ERBB2: variants seen among roughly 807,000 people sequenced by gnomAD.
ERBB2 encodes receptor tyrosine-protein kinase erbB-2.
Under a neutral mutation model 149.0 loss-of-function variants are expected in ERBB2, and 61 were observed. That is an observed-to-expected ratio of 0.41 (90% CI 0.33 to 0.51). ERBB2 has a LOEUF of 0.51. ERBB2 is among the 20% of genes least tolerant of loss of function. The probability of loss-of-function intolerance (pLI) is 0.25; values close to 1 mark genes in which losing one functional copy is unlikely to be tolerated. For synonymous variants in ERBB2, 633 were observed against 678.8 expected (o/e 0.93, Z 1.05); for missense variants, 1,205 against 1,655.1 (o/e 0.73, Z 4.72).
chr17:39,715,963 G>A (rs774147471), intron 12 of ERBB2, 24 bp downstream of exon 12: 20 of 1,598,730 alleles, frequency 1.3e-5, no homozygotes, highest in South Asian at 3.3e-5. Context: ...CCCAGTGTGC[G>A]CACTCCCCAT....
chr17:39,709,208 CTG>C (rs1277497533), intron 3 of ERBB2, 108 bp from the exon 4 acceptor site: 1 of 1,278,360 alleles, frequency 7.8e-7, no homozygotes. Flanking sequence ...CCTGGGGAAT[CTG>C]GGGGTTGTTT....
upstream of ERBB2, chr17:39,688,097 C>G (rs897406255): frequency 5.0e-6 from 6 of 1,198,608 alleles, no homozygotes; most frequent in Middle Eastern, 3.1e-4. Context: ...TTCCTGTGTT[C>G]TTTATTCTAC....
upstream of ERBB2, among the ~76,000 whole-genome samples, chr17:39,699,027 G>T (rs2057946565): frequency 6.6e-6 from 1 of 152,028 alleles, no homozygotes; most frequent in African/African-American, 2.4e-5. Context: ...AGGGTCAGGG[G>T]CTCCAAATAG....
rs778537251 is a variant in ERBB2, at chr17:39,723,485, C to A, written c.2085+28C>A. 1 of 1,613,866 alleles carries A rather than the reference C, an allele frequency of 6.2e-7. No homozygotes were observed. Among genetic ancestry groups the A allele is most frequent in the Admixed American group, 1.7e-5 (1 of 60,004 alleles). On this transcript the variant is annotated intron_variant, in intron 17 of 26. Transcript: ENST00000269571. The surrounding 1 kb of genome is among the most constrained non-coding windows in gnomAD (Gnocchi z 6.2). ...GAGGCGGGGTGAAGTCCTCCCAGCC[C>A]GCGTGGGGTCTGCACCGGCCCCCGG...
At position 39,706,157 on chromosome 17, in the gene ERBB2, C is replaced by G. The variant is rs1178672102; in HGVS notation, c.74-833C>G. On this transcript the variant is annotated intron_variant, in intron 1 of 26. Transcript: ENST00000269571. ...CCAGGTGTGGCAGTTCAGCCCTATG[C>G]CCCATGGCTGATGGCTCGCGCTGGG... is the stretch of plus-strand genomic sequence containing the variant. Among the ~76,000 whole-genome samples, 6 of 152,210 alleles carry G rather than the reference C, an allele frequency of 3.9e-5. No individual in the cohort carries two copies. In the South Asian group the frequency reaches 1.2e-3, roughly 31 times the overall value.
Position 39,727,015 on chromosome 17 carries a change from C to T in ERBB2, c.3159+12C>T, listed in dbSNP as rs775217720. On this transcript the variant is annotated intron_variant, in intron 25 of 26. Coordinates refer to ENST00000269571, the MANE Select transcript of ERBB2 (RefSeq NM_004448.4). This position sits in a 1 kb window ranked among gnomAD's most constrained non-coding sequence, Gnocchi z 4.3. Reference sequence around the variant, plus strand: ...GCTCATCTACCAGGGTCAGTGCCCTCGGTCACACTGTGTGGCTGTCTGCTT... The same window carrying T: ...GCTCATCTACCAGGGTCAGTGCCCTTGGTCACACTGTGTGGCTGTCTGCTT... 5.3e-5 allele frequency: 83 copies of T among 1,576,868 alleles called. No individual in the cohort carries two copies. The highest frequency in any genetic ancestry group is 6.7e-5 in the East Asian group (3 of 44,636).
At chr17:39,705,940 A>G (rs2058404906) in intron 1 of ERBB2, among the ~76,000 whole-genome samples, 1 of 152,166 alleles carries the variant, frequency 6.6e-6, no homozygotes, top group African/African-American at 2.4e-5. Context: ...CCTGGGCAAG[A>G]CACGCCAGGT....
upstream of ERBB2, among the ~76,000 whole-genome samples, chr17:39,693,682 C>T (rs531436258): frequency 1.5e-4 from 23 of 151,582 alleles, no homozygotes; most frequent in Admixed American, 3.3e-4. Context: ...TGCTTGAACC[C>T]GGGAGGCAGA....
At chr17:39,691,902 T>TAC (rs1567886184), upstream of ERBB2, among the ~76,000 whole-genome samples, 6 of 126,768 alleles carry the variant, frequency 4.7e-5, no homozygotes, top group African/African-American at 1.5e-4. Flanking sequence ...TAGATATAGA[T>TAC]ATATATACAT....
chr17:39,708,570 A>G, intron 3 of ERBB2, 36 bp downstream of exon 3: 1 of 1,554,842 alleles, frequency 6.4e-7, no homozygotes, highest in Non-Finnish European at 8.9e-7. Context: ...TCTCTTGGTT[A>G]TTCAGAGCTG....
At chr17:39,715,571 G>T (rs369210114) in intron 11 of ERBB2, 35 bp downstream of exon 11, 1 of 1,593,344 alleles carries the variant, frequency 6.3e-7, no homozygotes, top group Non-Finnish European at 8.6e-7. Context: ...TGATGGGGAG[G>T]AGTCCCAGGG....
chr17:39,714,784 T>C (rs1037712980), intron 9 of ERBB2, among the ~76,000 whole-genome samples: 1 of 151,714 alleles, frequency 6.6e-6, no homozygotes, highest in Non-Finnish European at 1.5e-5. Context: ...TTTTTTTTTT[T>C]TTTTGAGACA....
intron 15 of ERBB2, among the ~76,000 whole-genome samples, chr17:39,719,164 G>A (rs1228061441): frequency 1.3e-5 from 2 of 152,054 alleles, no homozygotes; most frequent in Non-Finnish European, 2.9e-5. Flanking sequence ...GAGAGGTTGA[G>A]ACAGGAGAAT....
intron 15 of ERBB2, among the ~76,000 whole-genome samples, chr17:39,718,584 G>A (rs543636039): frequency 1.3e-4 from 20 of 152,274 alleles, no homozygotes; most frequent in African/African-American, 4.6e-4. Flanking sequence ...GATCACTTGA[G>A]ATCAGGAGTT....
chr17:39,723,467 G>A lies in ERBB2; in HGVS notation c.2085+10G>A, dbSNP rs779929231. On this transcript the variant is annotated intron_variant, in intron 17 of 26. Transcript: ENST00000269571. The surrounding 1 kb of genome is among the most constrained non-coding windows in gnomAD (Gnocchi z 6.2). ...GCTGCAGGAAACGGAGGTGAGGCGG[G>A]GTGAAGTCCTCCCAGCCCGCGTGGG... 3.1e-6 allele frequency: 5 copies of A among 1,614,146 alleles called. No individual in the cohort carries two copies. The highest frequency in any genetic ancestry group is 2.2e-5 in the East Asian group (1 of 44,888).
At position 39,727,406 on chromosome 17, in the gene ERBB2, G is replaced by T. The variant is rs2143244498; in HGVS notation, c.3271G>T (p.Gly1091Ter). The change falls in exon 26 of 27, where the codon GGA (glycine) becomes TGA (stop). Residue 1091 changes from glycine to a stop codon, truncating the protein, a stop_gained. Transcript: ENST00000269571. LOFTEE classifies it high-confidence loss of function. The surrounding 1 kb of genome is among the most constrained non-coding windows in gnomAD (Gnocchi z 4.3). The stretch of plus-strand genomic sequence containing the variant: ...CTCCGATGTATTTGATGGTGACCTG[G>T]GAATGGGGGCAGCCAAGGGGCTGCA... ...AGSDVFDGDL[G>*]MGAAKGLQSL... 1 of 1,611,222 alleles carries T rather than the reference G, an allele frequency of 6.2e-7. No individual in the cohort carries two copies. The highest frequency in any genetic ancestry group is 8.5e-7 in the Non-Finnish European group (1 of 1,178,916).
At chr17:39,700,802 T>A (rs1156526758) in intron 1 of ERBB2, among the ~76,000 whole-genome samples, 1 of 152,096 alleles carries the variant, frequency 6.6e-6, no homozygotes, top group Admixed American at 6.5e-5. Context: ...TGGTTGCTCC[T>A]GCTTCTGGCG....
rs150855012 is a variant in ERBB2 at position 39,717,736 on chromosome 17, TAA to T, written c.1898+257_1898+258del. ...CTGTGCACATTCTAATATGTATATA[TAA>T]GTTAACATATATTAATATTATTCTC... On this transcript the variant is annotated intron_variant, in intron 15 of 26. Coordinates refer to ENST00000269571, the MANE Select transcript of ERBB2 (RefSeq NM_004448.4). 4.2e-3 allele frequency: 1,361 copies of T among 321,038 alleles called. 8 individuals carry two copies. The highest frequency in any genetic ancestry group is 0.026 in the African/African-American group (1,218 of 47,228). The allele number at this position is 321,038 out of a possible 1,614,324, so 19.9% of individuals were successfully genotyped here.
Position 39,723,905 on chromosome 17 carries a change from T to C in ERBB2, c.2209-7T>C, listed in dbSNP as rs2145824553. On this transcript the variant is annotated splice_polypyrimidine_tract_variant and splice_region_variant and intron_variant, in intron 18 of 26. Transcript: ENST00000269571. This position sits in a 1 kb window ranked among gnomAD's most constrained non-coding sequence, Gnocchi z 6.2. The stretch of plus-strand genomic sequence containing the variant: ...CTTCTCACTCATATCCTCCTCTTTC[T>C]GCCCAGGGCATCTGGATCCCTGATG... 6.8e-6 allele frequency: 11 copies of C among 1,612,106 alleles called. No homozygotes were observed. The highest frequency in any genetic ancestry group is 9.3e-6 in the Non-Finnish European group (11 of 1,178,210).
Sources: gnomAD v4.1 joint callset for allele counts (sites outside exome capture counted in the v4.1 genomes callset) on GRCh38, gnomAD v4.1.1 for gene constraint, Gnocchi (gnomAD v3.1) non-coding constraint, MANE v1.5 for transcripts, NCBI Gene and HGNC (gene_info 2026-07-23, HGNC 2026-07-21) for gene names.